PLP1: variants seen among roughly 807,000 people sequenced by gnomAD.
PLP1 encodes proteolipid protein 1.
Under a neutral mutation model 18.5 loss-of-function variants are expected in PLP1, and 2 were observed. That is an observed-to-expected ratio of 0.11 (90% CI 0.04 to 0.34). The LOEUF (loss-of-function observed/expected upper bound fraction) is 0.34, where lower values mean the gene tolerates loss of function less well. PLP1 is among the 10% of genes least tolerant of loss of function. The pLI, the probability that PLP1 is intolerant of heterozygous loss-of-function variation, is 1.00. For missense variants in PLP1, 105 were observed against 207.3 expected (o/e 0.51, Z 3.03); for synonymous variants, 86 against 83.2 (o/e 1.03, Z -0.19).
Position 103,790,662 on chromosome X carries a change from G to A in PLP1, c.*64G>A, listed in dbSNP as rs763454675. The A allele has an allele frequency of 4.1e-5, 34 of 830,444 alleles. No individual in the cohort carries two copies. The highest frequency in any genetic ancestry group is 1.1e-4 in the Admixed American group (5 of 45,211). 68.4% of individuals were successfully genotyped at this position (830,444 alleles called of 1,213,427 possible). A position where few individuals can be genotyped will look rare whatever the true frequency, so the allele number is the denominator to read the frequency against. On this transcript the variant is annotated 3_prime_UTR_variant, in exon 7 of 7. Transcript: ENST00000621218. Reference sequence around the variant, plus strand: ...CTAACCACACAGCCTACAATGCTGCGTCTCCCATCTTAACTCTTTGCCTTT... The same window carrying A: ...CTAACCACACAGCCTACAATGCTGCATCTCCCATCTTAACTCTTTGCCTTT...
chrX:103,791,393 C>T lies in PLP1; in HGVS notation c.*795C>T, dbSNP rs2074544516. ...AGCTACCATGACAACCCTGTGGTTT[C>T]CAAGGAGCTGAGAATAGAAGGAAAC... On this transcript the variant is annotated 3_prime_UTR_variant, in exon 7 of 7. Coordinates refer to ENST00000621218, the MANE Select transcript of PLP1 (RefSeq NM_000533.5). 8.9e-6 allele frequency: 1 copy of T among 112,282 alleles called. No homozygotes were observed. Among genetic ancestry groups the T allele is most frequent in the South Asian group, 3.7e-4 (1 of 2,693 alleles). The allele number at this position is 112,282 out of a possible 1,213,427, so 9.3% of individuals were successfully genotyped here. A position where few individuals can be genotyped will look rare whatever the true frequency, so the allele number is the denominator to read the frequency against.
At chrX:103,789,886 T>A (rs185856943) in intron 6 of PLP1, among the ~76,000 whole-genome samples, 1 of 112,002 alleles carries the variant, frequency 8.9e-6, no homozygotes, top group East Asian at 2.8e-4. Context: ...ATTAGAATTG[T>A]TATGATTATA....
rs149501240 is a variant in PLP1 at position 103,782,104 on chromosome X, A to G, written c.5-3478A>G. Among the ~76,000 whole-genome samples the G allele has an allele frequency of 9.8e-3, 1,100 of 112,624 alleles. 11 individuals are homozygous for G. Among genetic ancestry groups the G allele is most frequent in the African/African-American group, 0.033 (1,020 of 31,057 alleles). On this transcript the variant is annotated intron_variant, in intron 1 of 6. Coordinates refer to ENST00000621218, the MANE Select transcript of PLP1 (RefSeq NM_000533.5). Reference sequence around the variant, plus strand: ...TGCAGGCTCTGAGTTTTTCTCAGTTAGAATCTAAAATCTGATTCTTGCTTG... The same window carrying G: ...TGCAGGCTCTGAGTTTTTCTCAGTTGGAATCTAAAATCTGATTCTTGCTTG...
chrX:103,790,956 A>G lies in PLP1; in HGVS notation c.*358A>G, dbSNP rs2074540456. On this transcript the variant is annotated 3_prime_UTR_variant, in exon 7 of 7. Coordinates refer to ENST00000621218, the MANE Select transcript of PLP1 (RefSeq NM_000533.5). ...TCAAAGGGTACTTCCACTGATGGAA[A>G]CAAAGTGGAAGGAAAGATGCTCAGG... The G allele has an allele frequency of 7.8e-6, 2 of 255,017 alleles. No individual in the cohort carries two copies. The highest frequency in any genetic ancestry group is 1.2e-4 in the South Asian group (2 of 16,998). 21.0% of individuals were successfully genotyped at this position (255,017 alleles called of 1,213,427 possible).
intron 3 of PLP1, 136 bp downstream of exon 3, chrX:103,786,862 C>T: frequency 5.9e-6 from 4 of 674,820 alleles, no homozygotes; most frequent in Non-Finnish European, 9.5e-6. Context: ...TGGCTGCAGC[C>T]GAACGAGAAG....
chrX:103,789,274 C>T, intron 5 of PLP1, 59 bp from the exon 6 acceptor site: 7 of 809,633 alleles, frequency 8.6e-6, no homozygotes, highest in African/African-American at 2.0e-5. Context: ...TCATGATTTA[C>T]AGTGGAGCAT....
At chrX:103,786,208 G>A in intron 2 of PLP1, 2 of 1,137,320 alleles carry the variant, frequency 1.8e-6, no homozygotes, top group South Asian at 3.8e-5. Context: ...AGGGAGAGTA[G>A]GTCCCTGGTT....
At position 103,776,916 on chromosome X, in the gene PLP1, C is replaced by T. The variant is rs2074415070; in HGVS notation, c.-80C>T. On this transcript the variant is annotated 5_prime_UTR_variant, in exon 1 of 7. Coordinates refer to ENST00000621218, the MANE Select transcript of PLP1 (RefSeq NM_000533.5). The stretch of plus-strand genomic sequence containing the variant: ...GACCGAAGAAGGAGGCTGGAGAGAC[C>T]AGGATCCTTCCAGCTGAACAAAGTC... 2 of 962,588 alleles carry T rather than the reference C, an allele frequency of 2.1e-6. No homozygotes were observed. Among genetic ancestry groups the T allele is most frequent in the Non-Finnish European group, 1.5e-6 (1 of 669,489 alleles). 79.3% of individuals were successfully genotyped at this position (962,588 alleles called of 1,213,427 possible).
In PLP1 at chrX:103,786,595, A is replaced by G; in HGVS notation, c.322A>G (p.Ile108Val). Residue 108 changes from isoleucine to valine, a missense_variant, in exon 3 of 7, where the codon ATC becomes GTC. By Grantham distance (29) the Ile-to-Val change is conservative. Coordinates refer to ENST00000621218, the MANE Select transcript of PLP1 (RefSeq NM_000533.5). ...GATCTTTGGCGACTACAAGACCACC[A>G]TCTGCGGCAAGGGCCTGAGCGCAAC... ...RQIFGDYKTT[I>V]CGKGLSATVT... The G allele has an allele frequency of 8.3e-7, 1 of 1,211,490 alleles. No individual in the cohort carries two copies. The highest frequency in any genetic ancestry group is 1.8e-5 in the South Asian group (1 of 56,951).
chrX:103,776,860 G>C lies in PLP1; in HGVS notation c.-136G>C, dbSNP rs901068812. ...AAGCCCTTTTCATTGCAGGAGAAGAGGACAAAGATACTCAGAGAGAAAAAG... is the reference window on the plus strand; with the variant it reads ...AAGCCCTTTTCATTGCAGGAGAAGACGACAAAGATACTCAGAGAGAAAAAG... On this transcript the variant is annotated 5_prime_UTR_variant, in exon 1 of 7. Coordinates refer to ENST00000621218, the MANE Select transcript of PLP1 (RefSeq NM_000533.5). The C allele has an allele frequency of 4.4e-4, 275 of 627,958 alleles. No individual in the cohort carries two copies. Among genetic ancestry groups the C allele is most frequent in the Non-Finnish European group, 2.0e-4 (76 of 388,089 alleles). 51.8% of individuals were successfully genotyped at this position (627,958 alleles called of 1,213,427 possible).
At chrX:103,776,791 G>A (rs2074414189), upstream of PLP1, 4 of 433,231 alleles carry the variant, frequency 9.2e-6, no homozygotes, top group South Asian at 1.3e-4. Flanking sequence ...GAGAGGAGGA[G>A]GAAAGCAGGC....
intron 6 of PLP1, 143 bp from the exon 7 acceptor site, chrX:103,790,384 G>A: frequency 1.8e-6 from 1 of 558,633 alleles, no homozygotes; most frequent in South Asian, 2.4e-5. Context: ...CCAAGCCTGG[G>A]ATGTACTGCT....
chrX:103,783,295 C>T (rs1489116177), intron 1 of PLP1, among the ~76,000 whole-genome samples: 2 of 112,604 alleles, frequency 1.8e-5, no homozygotes, highest in African/African-American at 3.2e-5. Flanking sequence ...TTCCCAAGCA[C>T]GTTTGCAAAG....
intron 1 of PLP1, chrX:103,780,688 G>A (rs2147757012): frequency 8.9e-6 from 1 of 111,902 alleles, no homozygotes; most frequent in Non-Finnish European, 1.9e-5. Context: ...ATATCAAAAG[G>A]GATATGTAGG....
intron 4 of PLP1, among the ~76,000 whole-genome samples, 154 bp downstream of exon 4, chrX:103,788,120 C>T (rs759656798): frequency 8.9e-6 from 1 of 111,988 alleles, no homozygotes; most frequent in East Asian, 2.8e-4. Context: ...CCTACTGAAA[C>T]CAGAGAGGTT....
chrX:103,783,876 T>C (rs1057013240), intron 1 of PLP1, among the ~76,000 whole-genome samples: 3 of 112,112 alleles, frequency 2.7e-5, no homozygotes, highest in Non-Finnish European at 5.6e-5. Context: ...GTACATTTGC[T>C]GAGTATTTGT....
intron 3 of PLP1, 89 bp from the exon 4 acceptor site, chrX:103,787,708 TG>T (rs2074509048): frequency 2.2e-5 from 17 of 784,816 alleles, no homozygotes; most frequent in Non-Finnish European, 3.1e-5. Flanking sequence ...TTTTAATGTC[TG>T]GCACACGCCA....
chrX:103,788,518 G>T lies in PLP1; in HGVS notation c.696+8G>T, dbSNP rs902326390. 2.3e-5 allele frequency: 26 copies of T among 1,146,397 alleles called. No homozygotes were observed. Among genetic ancestry groups the T allele is most frequent in the Middle Eastern group, 2.4e-4 (1 of 4,218 alleles). The allele number at this position is 1,146,397 out of a possible 1,213,427, so 94.5% of individuals were successfully genotyped here. A position where few individuals can be genotyped will look rare whatever the true frequency, so the allele number is the denominator to read the frequency against. Reference sequence around the variant, plus strand: ...ATCTGCAAAACAGCTGAGGTGAGTGGGTTATTTGGGTTATTTTACAAGGGA... The same window carrying T: ...ATCTGCAAAACAGCTGAGGTGAGTGTGTTATTTGGGTTATTTTACAAGGGA... On this transcript the variant is annotated splice_region_variant and intron_variant, in intron 5 of 6. Coordinates refer to ENST00000621218, the MANE Select transcript of PLP1 (RefSeq NM_000533.5).
intron 1 of PLP1, among the ~76,000 whole-genome samples, chrX:103,783,548 GTC>G (rs1569426792): frequency 8.9e-6 from 1 of 112,196 alleles, no homozygotes; most frequent in East Asian, 2.8e-4. Context: ...CTCCTTTTGT[GTC>G]TCTGAGAACA....
Sources: gnomAD v4.1 joint callset for allele counts (sites outside exome capture counted in the v4.1 genomes callset) on GRCh38, gnomAD v4.1.1 for gene constraint, MANE v1.5 for transcripts, NCBI Gene and HGNC (gene_info 2026-07-23, HGNC 2026-07-21) for gene names.